The following TECTA variants were observed in gnomAD, a reference collection of about 807,000 sequenced individuals.
TECTA encodes alpha-tectorin.
TECTA carries 128 observed loss-of-function variants against 216.8 expected under a neutral mutation model. That is an observed-to-expected ratio of 0.59 (90% CI 0.51 to 0.68). The LOEUF is 0.68. TECTA is among the 30% of genes least tolerant of loss of function. TECTA has a pLI of 0.00. For missense variants in TECTA, 2,551 were observed against 2,786.2 expected (o/e 0.92, Z 1.90); for synonymous variants, 1,089 against 1,117.1 (o/e 0.97, Z 0.50).
At chr11:121,123,075 A>C (rs927177521) in intron 7 of TECTA, among the ~76,000 whole-genome samples, 2 of 152,196 alleles carry the variant, frequency 1.3e-5, no homozygotes, top group Admixed American at 1.3e-4. Context: ...TAGACAACTC[A>C]GAAAGTAGCA....
chr11:121,153,105 T>G, intron 13 of TECTA, 25 bp downstream of exon 13: 1 of 1,602,888 alleles, frequency 6.2e-7, no homozygotes, highest in Non-Finnish European at 8.5e-7. Flanking sequence ...CCCGGCCTTT[T>G]CCTCCTTGCC....
rs559479270 is a variant in TECTA at position 121,176,839 on chromosome 11, C to T, written c.5999+7914C>T. Among the ~76,000 whole-genome samples, 1,149 of 152,276 alleles carry T rather than the reference C, an allele frequency of 7.5e-3. 19 individuals carry two copies. Among genetic ancestry groups the T allele is most frequent in the African/African-American group, 0.025 (1,046 of 41,528 alleles). On this transcript the variant is annotated intron_variant, in intron 20 of 23. Coordinates refer to ENST00000392793, the MANE Select transcript of TECTA (RefSeq NM_005422.4). ...ATCAGACATAGATTTGGTCTTTTCA[C>T]ATAGTCCCACATTTCTTGGAGGCTT...
chr11:121,158,369 A>C (rs1312156752), intron 14 of TECTA, 145 bp downstream of exon 14: 1 of 1,203,190 alleles, frequency 8.3e-7, no homozygotes, highest in African/African-American at 1.5e-5. Flanking sequence ...GGTTTTAAAG[A>C]ATCAAAGTAT....
At chr11:121,172,055 T>C (rs915794213) in intron 20 of TECTA, among the ~76,000 whole-genome samples, 18 of 152,216 alleles carry the variant, frequency 1.2e-4, no homozygotes, top group African/African-American at 2.9e-4. Context: ...ACCTTCATTA[T>C]GTTGAGACAT....
At chr11:121,149,933 T>C (rs1946874060) in intron 12 of TECTA, among the ~76,000 whole-genome samples, 1 of 152,220 alleles carries the variant, frequency 6.6e-6, no homozygotes, top group Admixed American at 6.5e-5. Context: ...AGCACTGTTT[T>C]GGGTGGCATG....
chr11:121,136,998 A>T (rs1203176272), intron 10 of TECTA, among the ~76,000 whole-genome samples: 1 of 152,244 alleles, frequency 6.6e-6, no homozygotes, highest in Non-Finnish European at 1.5e-5. Flanking sequence ...GCCCTAGCAG[A>T]GTGTGTGAAT....
Position 121,146,099 on chromosome 11 carries a change from G to A in TECTA, c.4088G>A (p.Arg1363Lys), listed in dbSNP as rs1179265284. 6.2e-7 allele frequency: 1 copy of A among 1,609,664 alleles called. No homozygotes were observed. The highest frequency in any genetic ancestry group is 8.5e-7 in the Non-Finnish European group (1 of 1,180,034). ...QTQGITVTGW[R>K]NYTSCTVTCP... Reference sequence around the variant, plus strand: ...CAGGGGATTACGGTGACTGGCTGGAGGAATTACACGTCCTGCAGTGAGTCC... The same window carrying A: ...CAGGGGATTACGGTGACTGGCTGGAAGAATTACACGTCCTGCAGTGAGTCC... Residue 1363 changes from arginine (R) to lysine (K), a missense_variant, in exon 12 of 24, where the codon AGG (arginine) becomes AAG (lysine). This residue lies in a region of TECTA where 2,375 missense variants were observed against 2,563.9 expected (regional missense o/e 0.93). Coordinates refer to ENST00000392793, the MANE Select transcript of TECTA (RefSeq NM_005422.4).
chr11:121,187,619 G>A (rs774751099), intron 20 of TECTA, among the ~76,000 whole-genome samples: 1 of 152,198 alleles, frequency 6.6e-6, no homozygotes, highest in Non-Finnish European at 1.5e-5. Context: ...CTAATTCAAG[G>A]TGGTGTTTGA....
intron 3 of TECTA, among the ~76,000 whole-genome samples, chr11:121,108,923 G>A (rs902338775): frequency 6.6e-6 from 1 of 151,904 alleles, no homozygotes; most frequent in Admixed American, 6.6e-5. Context: ...CAACTCAGGA[G>A]CATTTGATAA....
At chr11:121,189,972 G>A in intron 23 of TECTA, 92 bp downstream of exon 23, 1 of 1,022,494 alleles carries the variant, frequency 9.8e-7, no homozygotes, top group Non-Finnish European at 1.5e-6. Context: ...AGGCCACTCG[G>A]TCAGCAACTC....
In TECTA at chr11:121,113,088, C is replaced by A. The variant is rs1456472225; in HGVS notation, c.503C>A (p.Ala168Asp). The A allele has an allele frequency of 1.9e-6, 3 of 1,614,042 alleles. No individual in the cohort carries two copies. Among genetic ancestry groups the A allele is most frequent in the Non-Finnish European group, 2.5e-6 (3 of 1,180,050 alleles). The stretch of plus-strand genomic sequence containing the variant: ...ATCCTGTAGGTGAACACCTTCCAGG[C>A]CGTCCTAGTGTCCGATGGCTCCTAT... ...SSTTPVNTFQAVLVSDGSYTF... is the reference protein window; with the variant it reads ...SSTTPVNTFQDVLVSDGSYTF... Residue 168 changes from alanine (A) to aspartate (D), a missense_variant, in exon 5 of 24, where the codon GCC becomes GAC. Physicochemically the swap from Ala to Asp is moderately radical, Grantham distance 126 (BLOSUM62 -2). Around this residue, in one of 3 missense-constraint regions of TECTA, gnomAD observed 2,375 missense variants for 2,563.9 expected, o/e 0.93. Coordinates refer to ENST00000392793, the MANE Select transcript of TECTA (RefSeq NM_005422.4). The surrounding 1 kb of genome is among the most constrained non-coding windows in gnomAD (Gnocchi z 4.2).
chr11:121,178,517 AGTGTGTGTGTGTGTGTGTGTGT>A (rs3222565), intron 20 of TECTA, among the ~76,000 whole-genome samples: 5 of 127,210 alleles, frequency 3.9e-5, no homozygotes, highest in Non-Finnish European at 8.3e-5. Context: ...GCTTGTAGTT[AGTGTGTGTGTGTGTGTGTGTGT>A]GTGTGTGTGT....
chr11:121,133,659 G>C (rs980532287), intron 10 of TECTA, among the ~76,000 whole-genome samples: 1 of 152,206 alleles, frequency 6.6e-6, no homozygotes, highest in Non-Finnish European at 1.5e-5. Context: ...CATTGGGGTT[G>C]ATGTTCCATC....
chr11:121,116,755 C>T (rs1223864730), intron 6 of TECTA, among the ~76,000 whole-genome samples: 5 of 152,160 alleles, frequency 3.3e-5, no homozygotes, highest in East Asian at 1.9e-4. Context: ...TGGTCCAAAC[C>T]TCCTCTATTC....
chr11:121,172,818 G>A (rs1947125954), intron 20 of TECTA, among the ~76,000 whole-genome samples: 1 of 151,828 alleles, frequency 6.6e-6, no homozygotes, highest in Non-Finnish European at 1.5e-5. Flanking sequence ...GTGTAAAAGT[G>A]TTCCTATTTC....
chr11:121,113,754 T>A lies in TECTA; in HGVS notation c.790+36T>A. On this transcript the variant is annotated intron_variant, in intron 6 of 23. Transcript: ENST00000392793. The surrounding 1 kb of genome is among the most constrained non-coding windows in gnomAD (Gnocchi z 4.2). ...TCCTCTGTCTGTGGCAAGGCAGGGT[T>A]TGTTTAGTGTAGATTGACAGGCAAG... is the stretch of plus-strand genomic sequence containing the variant. 1 of 1,611,408 alleles carries A rather than the reference T, an allele frequency of 6.2e-7. No individual in the cohort carries two copies. Among genetic ancestry groups the A allele is most frequent in the Non-Finnish European group, 8.5e-7 (1 of 1,179,640 alleles).
Position 121,128,040 on chromosome 11 carries a change from A to G in TECTA, c.2063A>G (p.Lys688Arg). 3 of 1,612,922 alleles carry G rather than the reference A, an allele frequency of 1.9e-6. No homozygotes were observed. The highest frequency in any genetic ancestry group is 1.7e-6 in the Non-Finnish European group (2 of 1,179,494). ...GGCGGGGACGTCTACTGCTTCAACA[A>G]GACCTGCGGCAGCGGGGAGGTGTGC... ...EEGGDVYCFN[K>R]TCGSGEVCAV... Residue 688 changes from lysine (K) to arginine (R), a missense_variant, in exon 9 of 24, where the codon AAG becomes AGG. By Grantham distance (26) the Lys-to-Arg change is conservative (BLOSUM62 2). Transcript: ENST00000392793.
intron 2 of TECTA, among the ~76,000 whole-genome samples, chr11:121,104,049 A>T (rs1015873258): frequency 1.3e-5 from 2 of 152,122 alleles, no homozygotes; most frequent in Non-Finnish European, 2.9e-5. Flanking sequence ...CAGATTGGCC[A>T]ATCAGTGCAG....
In TECTA at chr11:121,190,896, T is replaced by C. The variant is rs142000663; in HGVS notation, c.*90T>C. The C allele has an allele frequency of 8.0e-5, 80 of 997,066 alleles. No homozygotes were observed. The African/African-American group carries it at 9.4e-4, about 12-fold the overall frequency. 61.8% of individuals were successfully genotyped at this position (997,066 alleles called of 1,614,324 possible). A position where few individuals can be genotyped will look rare whatever the true frequency, so the allele number is the denominator to read the frequency against. On this transcript the variant is annotated 3_prime_UTR_variant, in exon 24 of 24. Coordinates refer to ENST00000392793, the MANE Select transcript of TECTA (RefSeq NM_005422.4). ...GTGTGTGCCCTTAAGTCAAAACCTA[T>C]TTGAAAGTGTCCAGCATCTCAAAAT... is the stretch of plus-strand genomic sequence containing the variant.
Sources: gnomAD v4.1 joint callset for allele counts (sites outside exome capture counted in the v4.1 genomes callset) on GRCh38, gnomAD v4.1.1 for gene constraint, gnomAD v4.1.1 regional missense constraint, Gnocchi (gnomAD v3.1) non-coding constraint, MANE v1.5 for transcripts, NCBI Gene and HGNC (gene_info 2026-07-23, HGNC 2026-07-21) for gene names.